The following GRIK1 variants were observed in gnomAD, a reference collection of about 807,000 sequenced individuals.
GRIK1 encodes the protein glutamate receptor ionotropic, kainate 1.
A neutral mutation model predicts 105.7 loss-of-function variants in GRIK1; 69 were observed. That is an observed-to-expected ratio of 0.65 (90% CI 0.54 to 0.80). The LOEUF (loss-of-function observed/expected upper bound fraction) is 0.80, where lower values mean the gene tolerates loss of function less well. GRIK1 is among the 30% of genes least tolerant of loss of function. The pLI is 0.00. For synonymous variants in GRIK1, 438 were observed against 431.3 expected (o/e 1.02, Z -0.19); for missense variants, 1,109 against 1,167.3 (o/e 0.95, Z 0.73).
At chr21:29,658,860 ACT>A (rs1463269796) in intron 4 of GRIK1, among the ~76,000 whole-genome samples, 6 of 151,988 alleles carry the variant, frequency 3.9e-5, no homozygotes, top group Non-Finnish European at 7.4e-5. Flanking sequence ...GACATATGTC[ACT>A]CTCCAGAGAT....
At chr21:29,893,337 A>G (rs1285800547) in intron 1 of GRIK1, among the ~76,000 whole-genome samples, 1 of 152,218 alleles carries the variant, frequency 6.6e-6, no homozygotes, top group East Asian at 1.9e-4. Context: ...ATGGTGCAAT[A>G]GTTATTATAC....
intron 1 of GRIK1, among the ~76,000 whole-genome samples, chr21:29,828,236 G>T (rs1357669792): frequency 6.6e-6 from 1 of 151,970 alleles, no homozygotes; most frequent in Admixed American, 6.6e-5. Context: ...CACTACACAA[G>T]GAAGGGCATG....
At chr21:29,925,128 A>G (rs1189953543) in intron 1 of GRIK1, among the ~76,000 whole-genome samples, 1 of 152,268 alleles carries the variant, frequency 6.6e-6, no homozygotes, top group Non-Finnish European at 1.5e-5. Flanking sequence ...TTCATAAGAA[A>G]CAAATGTATG....
intron 1 of GRIK1, among the ~76,000 whole-genome samples, chr21:29,796,308 T>C (rs931239912): frequency 2.6e-5 from 4 of 152,084 alleles, no homozygotes; most frequent in Admixed American, 6.6e-5. Flanking sequence ...AAGTCCCTAG[T>C]TAATGTCCAT....
chr21:29,606,274 C>G (rs1304487825), intron 7 of GRIK1, among the ~76,000 whole-genome samples: 1 of 151,768 alleles, frequency 6.6e-6, no homozygotes, highest in East Asian at 1.9e-4. Flanking sequence ...CATTGGCCAG[C>G]TTTTTATTTT....
intron 1 of GRIK1, among the ~76,000 whole-genome samples, chr21:29,737,063 T>G (rs988260434): frequency 6.6e-6 from 1 of 152,194 alleles, no homozygotes; most frequent in Non-Finnish European, 1.5e-5. Flanking sequence ...ATGTTCATAC[T>G]TCTAGATGTA....
intron 1 of GRIK1, among the ~76,000 whole-genome samples, chr21:29,781,836 A>G (rs1454857027): frequency 1.4e-5 from 2 of 145,636 alleles, no homozygotes; most frequent in Non-Finnish European, 1.5e-5. Context: ...GCGCCCGGCT[A>G]ATTTTTTGTA....
intron 1 of GRIK1, among the ~76,000 whole-genome samples, chr21:29,901,006 A>C (rs910217935): frequency 2.6e-5 from 4 of 152,212 alleles, no homozygotes; most frequent in Admixed American, 1.3e-4. Context: ...ACATAACTAC[A>C]TGGAAACCGA....
intron 1 of GRIK1, among the ~76,000 whole-genome samples, chr21:29,776,929 C>A (rs989236091): frequency 2.6e-5 from 4 of 152,144 alleles, no homozygotes; most frequent in African/African-American, 4.8e-5. Context: ...CTCATAAACT[C>A]TGTCTACCGA....
chr21:29,844,302 T>C (rs1029247318), intron 1 of GRIK1, among the ~76,000 whole-genome samples: 6 of 152,180 alleles, frequency 3.9e-5, no homozygotes, highest in Non-Finnish European at 7.3e-5. Flanking sequence ...TGCTACCAAA[T>C]ATCTGACGTC....
rs1346490562 is a variant in GRIK1 at position 29,939,713 on chromosome 21, G to T, written c.-213C>A. 4 of 446,560 alleles carry T rather than the reference G, an allele frequency of 9.0e-6. No individual in the cohort carries two copies. The highest frequency in any genetic ancestry group is 4.5e-5 in the South Asian group (1 of 21,996). The allele number at this position is 446,560 out of a possible 1,614,324, so 27.7% of individuals were successfully genotyped here. A position where few individuals can be genotyped will look rare whatever the true frequency, so the allele number is the denominator to read the frequency against. On this transcript the variant is annotated 5_prime_UTR_variant, in exon 1 of 18. Transcript: ENST00000327783. ...TCTCTCGGGGCTCCTCAGTGCTGTC[G>T]CTAGCCCATCACGGCTCCTCCTCCT... is the stretch of plus-strand genomic sequence containing the variant.
intron 1 of GRIK1, among the ~76,000 whole-genome samples, chr21:29,721,521 G>GA (rs911710305): frequency 1.4e-4 from 19 of 131,728 alleles, no homozygotes; most frequent in Admixed American, 3.0e-4. Context: ...TGGGCAAAAT[G>GA]AAAAAAAAAT....
At chr21:29,904,833 T>C (rs1206902934) in intron 1 of GRIK1, among the ~76,000 whole-genome samples, 1 of 152,148 alleles carries the variant, frequency 6.6e-6, no homozygotes, top group Non-Finnish European at 1.5e-5. Context: ...AGTGGAGTCC[T>C]TTGTGTTAGG....
intron 1 of GRIK1, among the ~76,000 whole-genome samples, chr21:29,926,260 C>G (rs2071366648): frequency 6.6e-6 from 1 of 152,172 alleles, no homozygotes; most frequent in South Asian, 2.1e-4. Context: ...CATGTGCACT[C>G]TCTCATTTAA....
chr21:29,769,351 A>G (rs2145727996), intron 1 of GRIK1, among the ~76,000 whole-genome samples: 1 of 152,316 alleles, frequency 6.6e-6, no homozygotes, highest in Non-Finnish European at 1.5e-5. Flanking sequence ...GTGAAGACAC[A>G]GGGAGAATTC....
At chr21:29,813,450 A>G (rs565311053) in intron 1 of GRIK1, among the ~76,000 whole-genome samples, 1 of 152,278 alleles carries the variant, frequency 6.6e-6, no homozygotes, top group East Asian at 1.9e-4. Flanking sequence ...ATCTCTGGGA[A>G]AATCCAATCA....
intron 11 of GRIK1, 26 bp from the exon 12 acceptor site, chr21:29,587,615 A>G (rs767900703): frequency 1.5e-6 from 2 of 1,377,156 alleles, no homozygotes; most frequent in Non-Finnish European, 2.1e-6. Flanking sequence ...CAAAATTGTC[A>G]GCTTAGTCTA....
chr21:29,807,259 A>T (rs960515772), intron 1 of GRIK1, among the ~76,000 whole-genome samples: 3 of 152,156 alleles, frequency 2.0e-5, no homozygotes, highest in Admixed American at 1.3e-4. Context: ...GCATGCCAAC[A>T]AACTGCCCCT....
intron 1 of GRIK1, among the ~76,000 whole-genome samples, chr21:29,880,150 G>C (rs1456950131): frequency 1.3e-5 from 2 of 151,888 alleles, no homozygotes; most frequent in African/African-American, 4.8e-5. Context: ...CAAATATTGA[G>C]GTGCTAAACA....
Sources: gnomAD v4.1 joint callset for allele counts (sites outside exome capture counted in the v4.1 genomes callset) on GRCh38, gnomAD v4.1.1 for gene constraint, MANE v1.5 for transcripts, NCBI Gene and HGNC (gene_info 2026-07-23, HGNC 2026-07-21) for gene names.